ABL1: variants seen among roughly 807,000 people sequenced by gnomAD.
ABL1 encodes tyrosine-protein kinase ABL1.
ABL1 carries 11 observed loss-of-function variants against 94.7 expected under a neutral mutation model. The observed-to-expected ratio is 0.12, with a 90% CI of 0.07 to 0.19. The LOEUF (loss-of-function observed/expected upper bound fraction) is 0.19. Ranked by LOEUF, ABL1 falls within the 10% of genes least tolerant of loss-of-function variation. ABL1 has a pLI of 1.00. For missense variants in ABL1, 1,082 were observed against 1,489.4 expected (o/e 0.73, Z 4.50); for synonymous variants, 656 against 622.4 (o/e 1.05, Z -0.80).
rs779101518 is a variant in ABL1, at chr9:130,884,318, C to T, written c.2028C>T (p.Ser676=). The T allele has an allele frequency of 7.0e-5, 113 of 1,611,504 alleles. No individual in the cohort carries two copies. The highest frequency in any genetic ancestry group is 8.8e-5 in the Non-Finnish European group (104 of 1,179,288). ...AGVPNGALRE[S]GGSGFRSPHL... ...TCCCCAATGGAGCCCTCCGGGAGTCCGGGGGCTCAGGCTTCCGGTCTCCCC... is the reference window on the plus strand; with the variant it reads ...TCCCCAATGGAGCCCTCCGGGAGTCTGGGGGCTCAGGCTTCCGGTCTCCCC... The change falls in exon 11 of 11, where the codon TCC becomes TCT. Residue 676 remains serine, a synonymous_variant. Transcript: ENST00000318560. This position sits in a 1 kb window ranked among gnomAD's most constrained non-coding sequence, Gnocchi z 5.6.
intron 1 of ABL1, among the ~76,000 whole-genome samples, chr9:130,746,344 T>G (rs1265453528): frequency 6.6e-6 from 1 of 152,062 alleles, no homozygotes. Context: ...AATGTATGGT[T>G]TTATGAATTT....
At chr9:130,867,019 A>G (rs183846351) in intron 4 of ABL1, among the ~76,000 whole-genome samples, 1 of 152,292 alleles carries the variant, frequency 6.6e-6, no homozygotes, top group East Asian at 1.9e-4. Flanking sequence ...GAGTTTGTAC[A>G]TCAGTGTCTT....
At chr9:130,844,871 G>C (rs1370132457) in intron 1 of ABL1, among the ~76,000 whole-genome samples, 1 of 152,194 alleles carries the variant, frequency 6.6e-6, no homozygotes, top group African/African-American at 2.4e-5. Flanking sequence ...TTCTACTCTG[G>C]TTTGTTACCT....
At chr9:130,735,640 C>T (rs1289944190) in intron 1 of ABL1, among the ~76,000 whole-genome samples, 4 of 151,602 alleles carry the variant, frequency 2.6e-5, no homozygotes, top group Non-Finnish European at 5.9e-5. Flanking sequence ...GTATATCTTC[C>T]TTCTTTTTAT....
chr9:130,869,288 C>T (rs1831211761), intron 4 of ABL1, among the ~76,000 whole-genome samples: 1 of 152,222 alleles, frequency 6.6e-6, no homozygotes, highest in Non-Finnish European at 1.5e-5. Flanking sequence ...TCTGTTCGGT[C>T]TACTCAGGAA....
Position 130,862,972 on chromosome 9 carries a change from C to T in ABL1, c.759C>T (p.Tyr253=), listed in dbSNP as rs574756675. Residue 253 remains tyrosine (Y), a synonymous_variant, in exon 4 of 11, where the codon TAC becomes TAT. Coordinates refer to ENST00000318560, the MANE Select transcript of ABL1 (RefSeq NM_005157.6). The surrounding 1 kb of genome is among the most constrained non-coding windows in gnomAD (Gnocchi z 5.5). ...AGCACAAGCTGGGCGGGGGCCAGTA[C>T]GGGGAGGTGTACGAGGGCGTGTGGA... is the stretch of plus-strand genomic sequence containing the variant. ...TMKHKLGGGQ[Y]GEVYEGVWKK... 1.1e-5 allele frequency: 18 copies of T among 1,614,076 alleles called. No homozygotes were observed. The highest frequency in any genetic ancestry group is 1.7e-4 in the Middle Eastern group (1 of 6,060).
At position 130,800,580 on chromosome 9, in the gene ABL1, TTC is replaced by T. The variant is rs1384290010; in HGVS notation, c.137-53482_137-53481del. Among the ~76,000 whole-genome samples the T allele has an allele frequency of 4.0e-5, 6 of 151,776 alleles. 1 individual carries two copies. The East Asian group carries it at 1.2e-3, about 29-fold the overall frequency. On this transcript the variant is annotated intron_variant, in intron 1 of 10. Coordinates refer to the ABL1 transcript ENST00000372348. ...GGCCCCAGACAAACACTTATCCACT[TTC>T]TGTGTCTGTAGTTTTGTCTTTTCAA... is the stretch of plus-strand genomic sequence containing the variant.
intron 3 of ABL1, among the ~76,000 whole-genome samples, chr9:130,861,251 T>C (rs1184071273): frequency 6.6e-6 from 1 of 152,230 alleles, no homozygotes; most frequent in African/African-American, 2.4e-5. Context: ...TTTCTCAGAA[T>C]TTTATTTTAG....
rs576203997 is a variant in ABL1, at chr9:130,718,333, A to G, written c.136+3878A>G. 8.0e-3 allele frequency among the ~76,000 whole-genome samples: 1,220 copies of G among 151,724 alleles called. 28 individuals carry two copies. The highest frequency in any genetic ancestry group is 0.029 in the African/African-American group (1,185 of 41,342). On this transcript the variant is annotated intron_variant, in intron 1 of 10. Coordinates refer to the ABL1 transcript ENST00000372348. ...ACTCTGTCTCAAAAAAAAAAAAAAAAAAAAGAAACTACCATTTACCATGTT... is the reference window on the plus strand; with the variant it reads ...ACTCTGTCTCAAAAAAAAAAAAAAAGAAAAGAAACTACCATTTACCATGTT...
At chr9:130,799,583 G>T (rs1193570285) in intron 1 of ABL1, among the ~76,000 whole-genome samples, 4 of 152,126 alleles carry the variant, frequency 2.6e-5, no homozygotes, top group African/African-American at 4.8e-5. Flanking sequence ...TTAGATAATG[G>T]CACTTCCTTA....
chr9:130,732,729 C>T (rs10751508), intron 1 of ABL1, among the ~76,000 whole-genome samples: 48,864 of 151,582 alleles, frequency 0.32, 11,515 homozygotes, highest in African/African-American at 0.64. Context: ...TCTGGTGGAT[C>T]CCACGCATTT....
In ABL1 at chr9:130,885,942, G is replaced by T. The variant is rs1831574987; in HGVS notation, c.*259G>T. 2.4e-5 allele frequency: 12 copies of T among 504,286 alleles called. No individual in the cohort carries two copies. In the East Asian group the frequency reaches 4.1e-4, roughly 17 times the overall value. 31.2% of individuals were successfully genotyped at this position (504,286 alleles called of 1,614,324 possible). A position where few individuals can be genotyped will look rare whatever the true frequency, so the allele number is the denominator to read the frequency against. Reference sequence around the variant, plus strand: ...CTGTGGAGTTCCTGCTCCGTGGACTGCAGTCGGCATGCCAGGACCCGCCAG... The same window carrying T: ...CTGTGGAGTTCCTGCTCCGTGGACTTCAGTCGGCATGCCAGGACCCGCCAG... On this transcript the variant is annotated 3_prime_UTR_variant, in exon 11 of 11. Transcript: ENST00000318560.
chr9:130,863,273 T>G lies in ABL1; in HGVS notation c.822+238T>G, dbSNP rs368645128. ...GCTGACAAGCATGGAGGGGTTTTGG[T>G]GTAAAAAGATTAGTCATTTGGAGAG... is the stretch of plus-strand genomic sequence containing the variant. On this transcript the variant is annotated intron_variant, in intron 4 of 10. Transcript: ENST00000318560. The surrounding 1 kb of genome is among the most constrained non-coding windows in gnomAD (Gnocchi z 4.3). Among the ~76,000 whole-genome samples the G allele has an allele frequency of 9.2e-5, 14 of 152,274 alleles. No homozygotes were observed. In the South Asian group the frequency reaches 2.1e-3, roughly 23 times the overall value.
rs1392111124 is a variant in ABL1 at position 130,738,034 on chromosome 9, ATTG to A, written c.136+23580_136+23582del. ...TTTAATAGAGATAGGGTTTCACCATATTGGTTAGGCTGGTCTCAAACTCCTGAC... is the reference window on the plus strand; with the variant it reads ...TTTAATAGAGATAGGGTTTCACCATAGTTAGGCTGGTCTCAAACTCCTGAC... On this transcript the variant is annotated intron_variant, in intron 1 of 10. Transcript: ENST00000372348. Among the ~76,000 whole-genome samples the A allele has an allele frequency of 2.6e-5, 4 of 151,944 alleles. No homozygotes were observed. In the East Asian group the frequency reaches 7.8e-4, roughly 30 times the overall value.
chr9:130,714,064 A>G, exon 1 of ABL1: 1 of 371,566 alleles, frequency 2.7e-6, no homozygotes, highest in East Asian at 4.0e-5. Context: ...ACAAATCAAG[A>G]AACTTTTGGG....
intron 1 of ABL1, among the ~76,000 whole-genome samples, chr9:130,782,041 A>G (rs1420033646): frequency 6.6e-6 from 1 of 151,500 alleles, no homozygotes; most frequent in Non-Finnish European, 1.5e-5. Flanking sequence ...TGTGGAGCAC[A>G]GTGAGTGATA....
rs186083192 is a variant in ABL1, at chr9:130,863,820, C to T, written c.822+785C>T. Among the ~76,000 whole-genome samples, 25 of 152,314 alleles carry T rather than the reference C, an allele frequency of 1.6e-4. No homozygotes were observed. The highest frequency in any genetic ancestry group is 5.9e-4 in the Admixed American group (9 of 15,298). The stretch of plus-strand genomic sequence containing the variant: ...CTAGTGTTGACTTACATTATTTCCA[C>T]TTGTTTTAAATGAACTTTGATTACC... On this transcript the variant is annotated intron_variant, in intron 4 of 10. Coordinates refer to ENST00000318560, the MANE Select transcript of ABL1 (RefSeq NM_005157.6). This position sits in a 1 kb window ranked among gnomAD's most constrained non-coding sequence, Gnocchi z 4.3.
chr9:130,714,561 C>G, intron 1 of ABL1: 1 of 1,452,794 alleles, frequency 6.9e-7, no homozygotes, highest in Non-Finnish European at 9.7e-7. Context: ...TCCAATTCCA[C>G]TTAATAAATT....
chr9:130,836,294 C>T (rs970195601), intron 1 of ABL1, among the ~76,000 whole-genome samples: 2 of 152,296 alleles, frequency 1.3e-5, no homozygotes, highest in East Asian at 3.9e-4. Flanking sequence ...CTCTCCTTCT[C>T]TAATTACATC....
Sources: gnomAD v4.1 joint callset for allele counts (sites outside exome capture counted in the v4.1 genomes callset) on GRCh38, gnomAD v4.1.1 for gene constraint, Gnocchi (gnomAD v3.1) non-coding constraint, MANE v1.5 for transcripts, NCBI Gene and HGNC (gene_info 2026-07-23, HGNC 2026-07-21) for gene names.